The following TENM1 variants were observed in gnomAD, a reference collection of about 807,000 sequenced individuals.
The protein encoded by TENM1 is teneurin transmembrane protein 1.
TENM1 carries 35 observed loss-of-function variants against 174.8 expected under a neutral mutation model. The observed-to-expected ratio is 0.20, with a 90% confidence interval of 0.15 to 0.27. TENM1 has a LOEUF of 0.27. Ranked by LOEUF, TENM1 falls within the 10% of genes least tolerant of loss-of-function variation. The pLI is 1.00. For missense variants in TENM1, 1,633 were observed against 2,130.1 expected, an observed-to-expected ratio of 0.77 and a Z score of 4.59; for synonymous variants, 781 against 798.7, an observed-to-expected ratio of 0.98 and a Z score of 0.37.
intron 15 of TENM1, 98 bp from the exon 19 acceptor site, chrX:124,530,081 G>A: frequency 1.0e-6 from 1 of 965,557 alleles, no homozygotes; most frequent in Non-Finnish European, 1.4e-6. Flanking sequence ...GTATAACAAA[G>A]AAAACAATAA....
chrX:124,980,719 A>G, the TENM1 span, among the ~76,000 whole-genome samples: 7 of 111,389 alleles, frequency 6.3e-5, no homozygotes, highest in Admixed American at 6.7e-4. Context: ...TCTATAATAA[A>G]CTGTTTAGAA....
chrX:124,895,350 A>G (rs1205095410), intron 2 of TENM1, among the ~76,000 whole-genome samples: 3 of 112,207 alleles, frequency 2.7e-5, no homozygotes, highest in East Asian at 2.8e-4. Context: ...AAAATAAATT[A>G]ACCCCTTTCC....
chrX:125,045,250 C>T, the TENM1 span, among the ~76,000 whole-genome samples: 1 of 111,456 alleles, frequency 9.0e-6, no homozygotes, highest in East Asian at 2.9e-4. Flanking sequence ...TGGGGATTAC[C>T]ATTGAGATGA....
chrX:124,421,304 A>T (rs1166317965), intron 24 of TENM1, among the ~76,000 whole-genome samples: 1 of 112,384 alleles, frequency 8.9e-6, no homozygotes, highest in Admixed American at 9.4e-5. Context: ...ATCAAATTTG[A>T]TACCTGGAAT....
At chrX:124,655,039 T>A (rs368880027) in intron 6 of TENM1, among the ~76,000 whole-genome samples, 2 of 112,154 alleles carry the variant, frequency 1.8e-5, no homozygotes, top group African/African-American at 3.2e-5. Context: ...GGCAGTTTTT[T>A]AAAATACAAT....
At chrX:124,538,141 C>T (rs759456407) in intron 15 of TENM1, among the ~76,000 whole-genome samples, 1 of 112,084 alleles carries the variant, frequency 8.9e-6, no homozygotes, top group South Asian at 3.7e-4. Context: ...ACCTTCTGCA[C>T]TTTGTAATTT....
chrX:124,859,931 T>C (rs2056882890), intron 3 of TENM1, among the ~76,000 whole-genome samples: 2 of 112,272 alleles, frequency 1.8e-5, no homozygotes, highest in South Asian at 7.4e-4. Flanking sequence ...AGTTGTTTGA[T>C]GAAACAAAAA....
chrX:124,567,225 T>C (rs747374360), intron 11 of TENM1, among the ~76,000 whole-genome samples: 2 of 111,215 alleles, frequency 1.8e-5, no homozygotes, highest in Admixed American at 9.6e-5. Context: ...ACTGGAGATA[T>C]AAAATTGGCC....
chrX:124,849,119 C>G (rs192479864), intron 3 of TENM1, among the ~76,000 whole-genome samples: 168 of 111,139 alleles, frequency 1.5e-3, no homozygotes, highest in Admixed American at 4.1e-3. Flanking sequence ...GAGGTATTTG[C>G]ATGTTGAATT....
At chrX:124,754,252 T>C (rs2054166510) in intron 3 of TENM1, among the ~76,000 whole-genome samples, 1 of 111,721 alleles carries the variant, frequency 9.0e-6, no homozygotes, top group African/African-American at 3.3e-5. Flanking sequence ...CCATTTCTTC[T>C]AGATTTTCTA....
rs72253813 is a variant in TENM1 at position 124,644,044 on chromosome X, C to CATAT, written c.1876+1095_1876+1098dup. On this transcript the variant is annotated intron_variant, in intron 10 of 31. Transcript: ENST00000422452. ...TGCCATTTATATATAATATAAATGGCATATATATATATATATATATATATG... is the reference window on the plus strand; with the variant it reads ...TGCCATTTATATATAATATAAATGGCATATATATATATATATATATATATATATG... Among the ~76,000 whole-genome samples the CATAT allele has an allele frequency of 9.8e-3, 779 of 79,166 alleles. 4 individuals carry two copies. Among genetic ancestry groups the CATAT allele is most frequent in the African/African-American group, 0.012 (260 of 22,275 alleles). 68.7% of individuals were successfully genotyped at this position (79,166 alleles called of 115,157 possible).
At chrX:124,715,579 T>G (rs1027823053) in intron 4 of TENM1, among the ~76,000 whole-genome samples, 1 of 110,872 alleles carries the variant, frequency 9.0e-6, no homozygotes, top group African/African-American at 3.3e-5. Context: ...ATTATACACT[T>G]TTATTACCTC....
At chrX:124,585,984 C>T (rs2049496994) in intron 11 of TENM1, among the ~76,000 whole-genome samples, 1 of 110,139 alleles carries the variant, frequency 9.1e-6, no homozygotes, top group Non-Finnish European at 1.9e-5. Flanking sequence ...AAGACTAAAC[C>T]AGGAAGAAGG....
At chrX:124,668,703 G>A (rs2051838846) in intron 6 of TENM1, among the ~76,000 whole-genome samples, 1 of 108,960 alleles carries the variant, frequency 9.2e-6, no homozygotes, top group African/African-American at 3.3e-5. Context: ...CTGTTGTGGG[G>A]TGGGGGGAGT....
chrX:125,191,519 G>C, the TENM1 span, among the ~76,000 whole-genome samples: 7 of 111,551 alleles, frequency 6.3e-5, no homozygotes, highest in African/African-American at 1.9e-4. Flanking sequence ...AGGATGGTCA[G>C]AGTAGGCCAC....
intron 11 of TENM1, among the ~76,000 whole-genome samples, chrX:124,617,835 G>T (rs1488254255): frequency 9.0e-6 from 1 of 111,107 alleles, no homozygotes; most frequent in East Asian, 2.8e-4. Flanking sequence ...GAGATTCCGG[G>T]ACAAAGAGAC....
At chrX:124,955,793 G>GCACACACACACA (rs955862260) in intron 1 of TENM1, among the ~76,000 whole-genome samples, 92 of 78,108 alleles carry the variant, frequency 1.2e-3, no homozygotes, top group Non-Finnish European at 1.8e-3. Flanking sequence ...CAACACACGC[G>GCACACACACACA]CACGCACACA....
chrX:125,005,569 A>C, the TENM1 span, among the ~76,000 whole-genome samples: 1 of 110,531 alleles, frequency 9.0e-6, no homozygotes, highest in South Asian at 3.9e-4. Context: ...GCAATATTCC[A>C]ATGATAGAAA....
At chrX:124,825,747 T>G (rs1318139733) in intron 3 of TENM1, among the ~76,000 whole-genome samples, 2 of 112,216 alleles carry the variant, frequency 1.8e-5, no homozygotes, top group Non-Finnish European at 3.8e-5. Flanking sequence ...TAATAGGTGA[T>G]TCTTACTGTA....
Sources: gnomAD v4.1 joint callset for allele counts (sites outside exome capture counted in the v4.1 genomes callset) on GRCh38, gnomAD v4.1.1 for gene constraint, MANE v1.5 for transcripts, NCBI Gene and HGNC (gene_info 2026-07-23, HGNC 2026-07-21) for gene names.